The following IQCE variants were observed in gnomAD, a reference collection of about 807,000 sequenced individuals.
IQCE encodes the protein IQ motif containing E, also known as IQ domain-containing protein E.
IQCE carries 115 observed loss-of-function variants against 96.0 expected under a neutral mutation model. The ratio of observed to expected loss-of-function variants is 1.20; its 90% CI spans 1.03 to 1.40. The LOEUF is 1.40. Among genes scored for constraint, IQCE ranks in the 40% most tolerant of loss-of-function variants. IQCE has a pLI of 0.00. For synonymous variants in IQCE, 412 were observed against 371.2 expected (o/e 1.11, Z -1.26); for missense variants, 1,041 against 909.1 (o/e 1.15, Z -1.87).
rs1347991902 is a variant in IQCE at position 2,571,360 on chromosome 7, G to A, written c.131-166G>A. 3.8e-6 allele frequency: 3 copies of A among 784,946 alleles called. No homozygotes were observed. In the East Asian group the frequency reaches 7.9e-5, roughly 21 times the overall value. 48.6% of individuals were successfully genotyped at this position (784,946 alleles called of 1,614,324 possible). A position where few individuals can be genotyped will look rare whatever the true frequency, so the allele number is the denominator to read the frequency against. ...TTATAATAAAAGTTAAAGGAGAAAT[G>A]TCAGTATATAGGTAAAGTAACTCTT... is the stretch of plus-strand genomic sequence containing the variant. On this transcript the variant is annotated intron_variant, in intron 3 of 21. Transcript: ENST00000402050.
intron 16 of IQCE, chr7:2,597,015 C>T (rs777972059): frequency 8.5e-6 from 4 of 471,234 alleles, no homozygotes; most frequent in South Asian, 4.6e-5. Flanking sequence ...CTCCCAGGTC[C>T]CTAGAAACAG....
chr7:2,602,587 C>G (rs963058299), intron 18 of IQCE, among the ~76,000 whole-genome samples: 9 of 152,348 alleles, frequency 5.9e-5, no homozygotes, highest in Middle Eastern at 3.4e-3. Flanking sequence ...CGCTTGTCCT[C>G]ACACTCCCCA....
chr7:2,576,587 G>C (rs1457775701), intron 6 of IQCE, among the ~76,000 whole-genome samples: 1 of 152,032 alleles, frequency 6.6e-6, no homozygotes, highest in Non-Finnish European at 1.5e-5. Flanking sequence ...TTTTTGTAGA[G>C]ATGGGGTTTC....
chr7:2,602,360 T>A (rs1247639112), intron 18 of IQCE, among the ~76,000 whole-genome samples: 1 of 152,180 alleles, frequency 6.6e-6, no homozygotes, highest in African/African-American at 2.4e-5. Flanking sequence ...AGGGAGGAGC[T>A]AGAAAGTGAG....
At chr7:2,568,840 C>A in intron 2 of IQCE, 114 bp from the exon 3 acceptor site, 1 of 940,072 alleles carries the variant, frequency 1.1e-6, no homozygotes. Context: ...CCCGTAAGCT[C>A]ACGTCCTCTT....
chr7:2,600,394 G>A lies in IQCE; in HGVS notation c.1609-1047G>A, dbSNP rs60488268. ...CTGGCTTTCGCCATTTTAAAGAAAC[G>A]AGTTTCCCTTGGTAACTGGCCGGCA... is the stretch of plus-strand genomic sequence containing the variant. On this transcript the variant is annotated intron_variant, in intron 17 of 21. Transcript: ENST00000402050. 8.1e-3 allele frequency among the ~76,000 whole-genome samples: 1,241 copies of A among 152,330 alleles called. 23 individuals are homozygous for A. The highest frequency in any genetic ancestry group is 0.028 in the African/African-American group (1,165 of 41,556).
At chr7:2,578,418 C>T (rs1041170504) in intron 7 of IQCE, 58 bp from the exon 8 acceptor site, 6 of 1,601,644 alleles carry the variant, frequency 3.7e-6, no homozygotes, top group Admixed American at 1.7e-5. Context: ...ATCTGCCAGC[C>T]AGCCCTGCTG....
At position 2,589,917 on chromosome 7, in the gene IQCE, T is replaced by A; in HGVS notation, c.1055T>A (p.Val352Glu). Reference protein sequence around the residue: ...RIVELEKKLSVMESSKSHAAE... With the variant: ...RIVELEKKLSEMESSKSHAAE... ...CTGTGTTGCCTCCAGAAACTAAGTG[T>A]GATGGAGAGCTCAAAATCACACGCC... The change falls in exon 14 of 22, where the codon GTG becomes GAG. Residue 352 changes from valine to glutamate, a missense_variant. By Grantham distance (121) the Val-to-Glu change is moderately radical. Coordinates refer to ENST00000402050, the MANE Select transcript of IQCE (RefSeq NM_152558.5). 6.2e-7 allele frequency: 1 copy of A among 1,613,808 alleles called. No individual in the cohort carries two copies. Among genetic ancestry groups the A allele is most frequent in the Non-Finnish European group, 8.5e-7 (1 of 1,180,008 alleles).
At chr7:2,603,839 G>A (rs1784605276) in intron 18 of IQCE, among the ~76,000 whole-genome samples, 1 of 152,130 alleles carries the variant, frequency 6.6e-6, no homozygotes, top group Non-Finnish European at 1.5e-5. Context: ...ACGTGGCATG[G>A]GGCTCGGTGG....
intron 10 of IQCE, 59 bp from the exon 11 acceptor site, chr7:2,584,177 G>T: frequency 6.8e-7 from 1 of 1,471,034 alleles, no homozygotes; most frequent in Non-Finnish European, 9.5e-7. Context: ...GGTCTTTTCA[G>T]ATAAGGTCTT....
chr7:2,596,653 G>A (rs1378085292), intron 16 of IQCE, among the ~76,000 whole-genome samples: 1 of 152,184 alleles, frequency 6.6e-6, no homozygotes, highest in African/African-American at 2.4e-5. Context: ...ATAAGCGTGT[G>A]AAAATTTAGA....
At chr7:2,561,319 C>T (rs1298080976) in intron 1 of IQCE, among the ~76,000 whole-genome samples, 1 of 151,846 alleles carries the variant, frequency 6.6e-6, no homozygotes, top group Non-Finnish European at 1.5e-5. Context: ...AAAGCCTATG[C>T]TTTTGTTAAA....
At chr7:2,581,716 T>C (rs187605774) in intron 8 of IQCE, among the ~76,000 whole-genome samples, 2 of 150,808 alleles carry the variant, frequency 1.3e-5, no homozygotes, top group South Asian at 2.1e-4. Flanking sequence ...ATGTTCTTTT[T>C]TTTTTTTTTT....
Position 2,563,411 on chromosome 7 carries a change from G to GTGTGTGTGTGTGTGTGTGTA in IQCE, c.37-3704_37-3703insGTGTGTGTGTGTGTGTGTAT, listed in dbSNP as rs773616723. 1.1e-3 allele frequency among the ~76,000 whole-genome samples: 161 copies of GTGTGTGTGTGTGTGTGTGTA among 148,694 alleles called. 2 individuals are homozygous for GTGTGTGTGTGTGTGTGTGTA. The highest frequency in any genetic ancestry group is 3.8e-3 in the African/African-American group (154 of 40,400). On this transcript the variant is annotated intron_variant, in intron 1 of 21. Coordinates refer to ENST00000402050, the MANE Select transcript of IQCE (RefSeq NM_152558.5). ...TGTGTGTGTGTGTGTGTGTGTGTGT[G>GTGTGTGTGTGTGTGTGTGTA]TACAGGGTTTCTCCATATTGCCCAG... is the stretch of plus-strand genomic sequence containing the variant.
chr7:2,584,203 G>C (rs755262639), intron 10 of IQCE, 33 bp from the exon 11 acceptor site: 2 of 1,596,200 alleles, frequency 1.3e-6, no homozygotes, highest in African/African-American at 1.3e-5. Context: ...TGCTAGCCTT[G>C]TGTTTTCATG....
At chr7:2,599,880 G>A (rs1784318045) in intron 17 of IQCE, among the ~76,000 whole-genome samples, 1 of 150,936 alleles carries the variant, frequency 6.6e-6, no homozygotes. Flanking sequence ...TGCAACCTCC[G>A]CCTCCCAGGT....
chr7:2,582,466 G>A (rs1480480417), intron 8 of IQCE, 114 bp from the exon 9 acceptor site: 1 of 843,844 alleles, frequency 1.2e-6, no homozygotes, highest in Non-Finnish European at 2.0e-6. Context: ...AGAGAGCACA[G>A]CGCTGGAGGG....
At chr7:2,571,743 T>C in intron 4 of IQCE, 89 bp downstream of exon 4, 5 of 1,330,898 alleles carry the variant, frequency 3.8e-6, no homozygotes, top group Non-Finnish European at 5.2e-6. Flanking sequence ...GTTTTTAATA[T>C]TCCTTGTTTG....
intron 3 of IQCE, among the ~76,000 whole-genome samples, chr7:2,569,788 A>C (rs75693112): frequency 6.6e-6 from 1 of 152,218 alleles, no homozygotes; most frequent in Non-Finnish European, 1.5e-5. Context: ...TATATGACGC[A>C]CTCAGAGAAT....
Sources: allele counts gnomAD v4.1 joint callset (sites outside exome capture counted in the v4.1 genomes callset), GRCh38; gene constraint gnomAD v4.1.1; transcripts MANE v1.5; gene names NCBI Gene and HGNC (gene_info 2026-07-23, HGNC 2026-07-21).